Variants in PLCE1 observed in about 807,000 individuals in gnomAD.
The protein encoded by PLCE1 is phospholipase C epsilon 1.
A neutral mutation model predicts 242.8 loss-of-function variants in PLCE1; 119 were observed. That is an observed-to-expected ratio of 0.49 (90% confidence interval 0.42 to 0.57). The LOEUF is 0.57. Ranked by LOEUF, PLCE1 falls within the 20% of genes least tolerant of loss-of-function variation. PLCE1 has a pLI of 0.00. For synonymous variants in PLCE1, 945 were observed against 1,017.4 expected, an observed-to-expected ratio of 0.93 and a Z score of 1.35; for missense variants, 2,441 against 2,788.8, an observed-to-expected ratio of 0.88 and a Z score of 2.81.
intron 11 of PLCE1, 76 bp downstream of exon 11, chr10:94,255,125 T>C: frequency 6.7e-7 from 1 of 1,500,476 alleles, no homozygotes; most frequent in Non-Finnish European, 9.3e-7. Flanking sequence ...TCTTTACAGT[T>C]GTCTATGGAA....
At chr10:94,303,035 G>A (rs928662846) in intron 24 of PLCE1, among the ~76,000 whole-genome samples, 1 of 152,198 alleles carries the variant, frequency 6.6e-6, no homozygotes, top group African/African-American at 2.4e-5. Flanking sequence ...ATCAGGACTG[G>A]CAGGGGCCTG....
chr10:94,255,536 G>A (rs1226897185), intron 11 of PLCE1, among the ~76,000 whole-genome samples: 1 of 152,096 alleles, frequency 6.6e-6, no homozygotes, highest in African/African-American at 2.4e-5. Context: ...AGAATAGATT[G>A]TTTTAATGTA....
chr10:94,133,955 A>G (rs532321400), intron 3 of PLCE1, among the ~76,000 whole-genome samples: 7 of 152,234 alleles, frequency 4.6e-5, no homozygotes, highest in African/African-American at 1.7e-4. Context: ...TGCATTCTTC[A>G]TCATACTCTT....
chr10:94,208,710 GAATTAGACAC>G (rs2049242924), intron 4 of PLCE1, among the ~76,000 whole-genome samples: 1 of 152,184 alleles, frequency 6.6e-6, no homozygotes, highest in African/African-American at 2.4e-5. Context: ...CAGATCTACT[GAATTAGACAC>G]TAAACTGTGG....
At chr10:94,153,103 C>T (rs959186319) in intron 3 of PLCE1, among the ~76,000 whole-genome samples, 2 of 152,114 alleles carry the variant, frequency 1.3e-5, no homozygotes, top group African/African-American at 2.4e-5. Context: ...TGGTTACAGT[C>T]ACATTGCAGT....
intron 22 of PLCE1, among the ~76,000 whole-genome samples, chr10:94,290,295 A>C (rs2052599168): frequency 6.6e-6 from 1 of 150,826 alleles, no homozygotes; most frequent in Admixed American, 6.6e-5. Flanking sequence ...AAATACAGGC[A>C]TGAGCCATCG....
intron 2 of PLCE1, among the ~76,000 whole-genome samples, chr10:94,129,427 A>T (rs975455043): frequency 2.6e-5 from 4 of 152,224 alleles, no homozygotes; most frequent in Non-Finnish European, 5.9e-5. Flanking sequence ...TAAATCTCCA[A>T]AAGGAGAAGA....
Position 94,300,266 on chromosome 10 carries a change from G to A in PLCE1, c.5458+1597G>A, listed in dbSNP as rs1179499989. Among the ~76,000 whole-genome samples, 3 of 152,298 alleles carry A rather than the reference G, an allele frequency of 2.0e-5. No individual in the cohort carries two copies. In the East Asian group the frequency reaches 5.8e-4, roughly 29 times the overall value. On this transcript the variant is annotated intron_variant, in intron 24 of 32. Transcript: ENST00000371380. Reference sequence around the variant, plus strand: ...GAGCAACAGGTGAAGGGGACACAGGGAGCTGCCACTCCATGGGCCATCCTG... The same window carrying A: ...GAGCAACAGGTGAAGGGGACACAGGAAGCTGCCACTCCATGGGCCATCCTG...
At chr10:94,177,986 A>C (rs1043744320) in intron 4 of PLCE1, among the ~76,000 whole-genome samples, 1 of 152,180 alleles carries the variant, frequency 6.6e-6, no homozygotes, top group Non-Finnish European at 1.5e-5. Flanking sequence ...GCTAGTTCTC[A>C]AACTTCATGT....
At chr10:94,176,266 G>A (rs1204312243) in intron 4 of PLCE1, among the ~76,000 whole-genome samples, 2 of 152,102 alleles carry the variant, frequency 1.3e-5, no homozygotes, top group African/African-American at 4.8e-5. Flanking sequence ...CAGGCATGGT[G>A]GTGCATGCCT....
chr10:94,033,296 C>T (rs116547806), intron 2 of PLCE1, among the ~76,000 whole-genome samples: 4,117 of 151,822 alleles, frequency 0.027, 126 homozygotes, highest in African/African-American at 0.066. Flanking sequence ...TGTATATATA[C>T]TTATGTATAT....
At chr10:94,236,621 T>A (rs1451865123) in intron 7 of PLCE1, among the ~76,000 whole-genome samples, 1 of 152,216 alleles carries the variant, frequency 6.6e-6, no homozygotes, top group Non-Finnish European at 1.5e-5. Context: ...GGGTTAGTGA[T>A]CTCACTTCGA....
chr10:94,093,590 C>T (rs371970563), intron 2 of PLCE1, among the ~76,000 whole-genome samples: 3 of 152,212 alleles, frequency 2.0e-5, no homozygotes, highest in African/African-American at 7.2e-5. Flanking sequence ...AACTAATCAG[C>T]TTTTGAGTTC....
intron 2 of PLCE1, among the ~76,000 whole-genome samples, chr10:94,040,287 T>A (rs1170513435): frequency 1.3e-5 from 2 of 152,142 alleles, no homozygotes; most frequent in African/African-American, 4.8e-5. Flanking sequence ...TTCCAACTTC[T>A]CCAGATTCTC....
rs17508082 is a variant in PLCE1 at position 94,132,372 on chromosome 10, T to A, written c.1405T>A (p.Ser469Thr). The change falls in exon 3 of 33, where the codon TCT becomes ACT. Residue 469 changes from serine to threonine, a missense_variant. Physicochemically the swap from Ser to Thr is moderately conservative, Grantham distance 58. This residue lies in a region of PLCE1 where 733 missense variants were observed against 754.2 expected (regional missense o/e 0.97). Transcript: ENST00000371380. ...TTCAATATCGCAGTACATCACCGGT[T>A]CTCTCCTAGAAGCAACCACGTCTTT... ...RTSISQYITG[S>T]LLEATTSLGA... 56,909 of 1,613,938 alleles carry A rather than the reference T, an allele frequency of 0.035. 1,176 individuals are homozygous for A. Among genetic ancestry groups the A allele is most frequent in the Middle Eastern group, 0.047 (286 of 6,062 alleles).
intron 2 of PLCE1, among the ~76,000 whole-genome samples, chr10:94,067,065 G>A (rs2044215557): frequency 6.6e-6 from 1 of 152,070 alleles, no homozygotes; most frequent in Non-Finnish European, 1.5e-5. Context: ...GGTGTCCCTT[G>A]GCCTCTTCAA....
intron 2 of PLCE1, among the ~76,000 whole-genome samples, chr10:94,036,278 C>T (rs1326495624): frequency 6.6e-6 from 1 of 152,144 alleles, no homozygotes; most frequent in East Asian, 1.9e-4. Context: ...TTTCCACCAC[C>T]TTCTGCTGTG....
rs577287844 is a variant in PLCE1, at chr10:94,043,070, C to T, written c.1206+10818C>T. Among the ~76,000 whole-genome samples the T allele has an allele frequency of 1.1e-4, 17 of 152,198 alleles. 1 individual carries two copies. Among genetic ancestry groups the T allele is most frequent in the Non-Finnish European group, 1.9e-4 (13 of 68,008 alleles). The stretch of plus-strand genomic sequence containing the variant: ...TCACCTACTTCACAAGGTTGTGAGG[C>T]GGTAGGAAAAAGATCTAAGCGTGTT... On this transcript the variant is annotated intron_variant, in intron 2 of 32. Coordinates refer to ENST00000371380, the MANE Select transcript of PLCE1 (RefSeq NM_016341.4).
intron 1 of PLCE1, among the ~76,000 whole-genome samples, chr10:94,002,299 C>T (rs891678620): frequency 2.0e-5 from 3 of 152,178 alleles, no homozygotes; most frequent in Non-Finnish European, 4.4e-5. Flanking sequence ...TTTTGACTGC[C>T]TTTTGCTGGC....
Sources: allele counts gnomAD v4.1 joint callset (sites outside exome capture counted in the v4.1 genomes callset), GRCh38; gene constraint gnomAD v4.1.1; regional missense constraint gnomAD v4.1.1; transcripts MANE v1.5; gene names NCBI Gene and HGNC (gene_info 2026-07-23, HGNC 2026-07-21).